The following SDK1 variants were observed in gnomAD, a reference collection of about 807,000 sequenced individuals.
SDK1 encodes the protein protein sidekick-1.
A neutral mutation model predicts 245.5 loss-of-function variants in SDK1; 157 were observed. The observed-to-expected ratio is 0.64, with a 90% confidence interval of 0.56 to 0.73. The LOEUF (loss-of-function observed/expected upper bound fraction) is 0.73, where lower values mean the gene tolerates loss of function less well. SDK1 is among the 30% of genes least tolerant of loss of function. The probability of loss-of-function intolerance (pLI) is 0.00; values close to 1 mark genes in which losing one functional copy is unlikely to be tolerated. For missense variants in SDK1, 3,583 were observed against 3,002.3 expected (o/e 1.19, Z -4.52); for synonymous variants, 1,647 against 1,278.5 (o/e 1.29, Z -6.15).
At chr7:3,562,404 A>C (rs1191121471) in intron 1 of SDK1, among the ~76,000 whole-genome samples, 1 of 152,226 alleles carries the variant, frequency 6.6e-6, no homozygotes, top group Admixed American at 6.5e-5. Flanking sequence ...AAGATGGTCA[A>C]CTGCATATAC....
intron 19 of SDK1, among the ~76,000 whole-genome samples, chr7:4,057,538 G>A (rs560936835): frequency 3.3e-5 from 5 of 152,162 alleles, no homozygotes; most frequent in African/African-American, 4.8e-5. Context: ...CATGCCTGCT[G>A]TCCAGGGCCT....
intron 1 of SDK1, among the ~76,000 whole-genome samples, chr7:3,378,718 G>C (rs1190634435): frequency 6.6e-6 from 1 of 152,118 alleles, no homozygotes; most frequent in African/African-American, 2.4e-5. Context: ...GTTGCGTGAA[G>C]GTTCTCACGC....
At chr7:4,189,704 C>T (rs1783081919) in intron 35 of SDK1, among the ~76,000 whole-genome samples, 1 of 152,060 alleles carries the variant, frequency 6.6e-6, no homozygotes, top group South Asian at 2.1e-4. Context: ...AGCTGGATAT[C>T]GCTTGAACCC....
At chr7:4,129,577 G>C in intron 26 of SDK1, 1 of 895,528 alleles carries the variant, frequency 1.1e-6, no homozygotes, top group Non-Finnish European at 1.5e-6. Flanking sequence ...GCAGAGTGTT[G>C]TCTGTGTTCA....
chr7:3,965,734 A>G (rs368377063), intron 9 of SDK1, among the ~76,000 whole-genome samples: 21 of 141,616 alleles, frequency 1.5e-4, no homozygotes, highest in East Asian at 6.4e-4. Flanking sequence ...GGGGTGCTGC[A>G]GAAAAGGGGA....
At chr7:3,394,538 T>G (rs1436151545) in intron 1 of SDK1, among the ~76,000 whole-genome samples, 1 of 152,142 alleles carries the variant, frequency 6.6e-6, no homozygotes, top group African/African-American at 2.4e-5. Context: ...TAGGACCTGC[T>G]TATCAATTTC....
Position 4,231,589 on chromosome 7 carries a change from A to G in SDK1, c.5828-1666A>G, listed in dbSNP as rs183599650. Among the ~76,000 whole-genome samples, 90 of 147,588 alleles carry G rather than the reference A, an allele frequency of 6.1e-4. 1 individual carries two copies. The highest frequency in any genetic ancestry group is 1.1e-3 in the Non-Finnish European group (75 of 66,538). On this transcript the variant is annotated intron_variant, in intron 40 of 44. Transcript: ENST00000404826. ...GCCCGGTCTCAAAAAAAAAAAAGAAAGGAAGAAGAAAGAAAGAGCAAGAGA... is the reference window on the plus strand; with the variant it reads ...GCCCGGTCTCAAAAAAAAAAAAGAAGGGAAGAAGAAAGAAAGAGCAAGAGA...
chr7:3,540,417 A>G (rs763479512), intron 1 of SDK1, among the ~76,000 whole-genome samples: 1 of 152,326 alleles, frequency 6.6e-6, no homozygotes, highest in Non-Finnish European at 1.5e-5. Context: ...AAAAACAAAA[A>G]AAGAAGAGGC....
At chr7:3,582,266 T>C (rs1780524896) in intron 1 of SDK1, among the ~76,000 whole-genome samples, 3 of 150,706 alleles carry the variant, frequency 2.0e-5, no homozygotes. Context: ...CTGCCTCAGG[T>C]AGGTCTCCCT....
At position 3,550,560 on chromosome 7, in the gene SDK1, C is replaced by G. The variant is rs537354714; in HGVS notation, c.299-68520C>G. Among the ~76,000 whole-genome samples, 6 of 152,276 alleles carry G rather than the reference C, an allele frequency of 3.9e-5. No homozygotes were observed. In the South Asian group the frequency reaches 1.2e-3, roughly 32 times the overall value. ...TGTGTGCCGTGGAATACTTCTTTGC[C>G]TATTTATCATATCTTTGGTTCCTCT... On this transcript the variant is annotated intron_variant, in intron 1 of 44. Coordinates refer to ENST00000404826, the MANE Select transcript of SDK1 (RefSeq NM_152744.4).
intron 17 of SDK1, among the ~76,000 whole-genome samples, chr7:4,047,065 T>G (rs1160653507): frequency 6.6e-6 from 1 of 152,222 alleles, no homozygotes; most frequent in Non-Finnish European, 1.5e-5. Flanking sequence ...TTTGTTAAAC[T>G]TGTATCTATT....
At chr7:3,987,113 G>C (rs570708719) in intron 13 of SDK1, 73 bp from the exon 14 acceptor site, 1 of 1,509,666 alleles carries the variant, frequency 6.6e-7, no homozygotes, top group Non-Finnish European at 9.1e-7. Context: ...ACGGTCTGCT[G>C]TAAGAGCTCA....
intron 14 of SDK1, among the ~76,000 whole-genome samples, chr7:3,994,063 C>T (rs1306258810): frequency 6.6e-6 from 1 of 152,148 alleles, no homozygotes; most frequent in East Asian, 1.9e-4. Flanking sequence ...ATTTCCCCTC[C>T]TGCCCCTAAA....
intron 5 of SDK1, among the ~76,000 whole-genome samples, chr7:3,923,567 G>A (rs1779666241): frequency 6.6e-6 from 1 of 152,210 alleles, no homozygotes; most frequent in Non-Finnish European, 1.5e-5. Flanking sequence ...CCGGTCCAGA[G>A]GCACCAGCTC....
At chr7:3,462,830 T>A (rs1186252741) in intron 1 of SDK1, among the ~76,000 whole-genome samples, 1 of 152,214 alleles carries the variant, frequency 6.6e-6, no homozygotes. Context: ...TGTGGTTCTT[T>A]CTAGTCTGTC....
chr7:3,650,817 G>A (rs1214035108), intron 4 of SDK1, among the ~76,000 whole-genome samples: 1 of 128,620 alleles, frequency 7.8e-6, no homozygotes, highest in African/African-American at 2.9e-5. Context: ...TGTGACCTGT[G>A]GGGATTGGTT....
Position 4,049,415 on chromosome 7 carries a change from G to T in SDK1, c.2670G>T (p.Trp890Cys). The T allele has an allele frequency of 6.2e-7, 1 of 1,614,142 alleles. No individual in the cohort carries two copies. The highest frequency in any genetic ancestry group is 8.5e-7 in the Non-Finnish European group (1 of 1,180,030). Residue 890 changes from tryptophan (W) to cysteine (C), a missense_variant, in exon 18 of 45, where the codon TGG becomes TGT. By Grantham distance (215) the Trp-to-Cys change is radical. Transcript: ENST00000404826. Reference sequence around the variant, plus strand: ...ACTCCACCACCATTCAGTTCCTGTGGAACCCTCCGCCTCAGCAGTTTATCA... The same window carrying T: ...ACTCCACCACCATTCAGTTCCTGTGTAACCCTCCGCCTCAGCAGTTTATCA... ...AVNSTTIQFL[W>C]NPPPQQFING...
chr7:4,010,905 C>T (rs1246223912), intron 14 of SDK1, 61 bp from the exon 15 acceptor site: 2 of 1,560,278 alleles, frequency 1.3e-6, no homozygotes, highest in Admixed American at 3.4e-5. Flanking sequence ...TTTGCATTCA[C>T]CTCTTATTAT....
chr7:4,148,286 C>T (rs1156259559), intron 29 of SDK1, among the ~76,000 whole-genome samples: 2 of 152,214 alleles, frequency 1.3e-5, no homozygotes, highest in African/African-American at 4.8e-5. Context: ...ACACGCCACG[C>T]ATTCTAATCA....
Sources: allele counts gnomAD v4.1 joint callset (sites outside exome capture counted in the v4.1 genomes callset), GRCh38; gene constraint gnomAD v4.1.1; transcripts MANE v1.5; gene names NCBI Gene and HGNC (gene_info 2026-07-23, HGNC 2026-07-21).